Variants in BCAS3 observed in about 807,000 individuals in gnomAD.
The protein encoded by BCAS3 is BCAS3 microtubule associated cell migration factor.
Under a neutral mutation model 116.1 loss-of-function variants are expected in BCAS3, and 53 were observed. The observed-to-expected ratio is 0.46, with a 90% CI of 0.37 to 0.57. The LOEUF is 0.57. Ranked by LOEUF, BCAS3 falls within the 20% of genes least tolerant of loss-of-function variation. BCAS3 has a pLI of 0.00. For missense variants in BCAS3, 917 were observed against 1,165.4 expected (o/e 0.79, Z 3.10); for synonymous variants, 391 against 408.2 (o/e 0.96, Z 0.51).
At chr17:60,717,069 T>C (rs78067892) in intron 5 of BCAS3, among the ~76,000 whole-genome samples, 4,727 of 152,232 alleles carry the variant, frequency 0.031, 235 homozygotes, top group African/African-American at 0.1. Context: ...TTATATACGA[T>C]GGTCTGGGAA....
chr17:60,730,250 T>C (rs2040324950), intron 5 of BCAS3, among the ~76,000 whole-genome samples: 1 of 152,220 alleles, frequency 6.6e-6, no homozygotes. Flanking sequence ...TGCAAAAATC[T>C]GGAAGTATGA....
In BCAS3 at chr17:60,696,669, A is replaced by T. The variant is rs1246070937; in HGVS notation, c.214+6908A>T. ...GCTTGGGTCCCTTAGCTACCTGAAG[A>T]TGCCTCCTAGACATCCTCACATAGA... On this transcript the variant is annotated intron_variant, in intron 4 of 23. Coordinates refer to ENST00000407086, the MANE Select transcript of BCAS3 (RefSeq NM_017679.5). 6 of 152,194 alleles carry T rather than the reference A, an allele frequency of 3.9e-5. No homozygotes were observed. In the East Asian group the frequency reaches 1.2e-3, roughly 30 times the overall value. The allele number at this position is 152,194 out of a possible 1,614,324, so 9.4% of individuals were successfully genotyped here. A position where few individuals can be genotyped will look rare whatever the true frequency, so the allele number is the denominator to read the frequency against.
At chr17:60,892,556 G>A (rs942885236) in intron 10 of BCAS3, among the ~76,000 whole-genome samples, 9 of 151,926 alleles carry the variant, frequency 5.9e-5, no homozygotes, top group African/African-American at 1.9e-4. Context: ...TCATCTGCCC[G>A]CCTCGGCCTC....
intron 22 of BCAS3, among the ~76,000 whole-genome samples, chr17:61,195,580 T>C (rs1294254713): frequency 6.6e-6 from 1 of 151,376 alleles, no homozygotes; most frequent in East Asian, 1.9e-4. Flanking sequence ...TTTTGCCATG[T>C]TGCCCAGGCT....
chr17:61,031,702 CTATGT>C (rs1472310626), intron 16 of BCAS3, among the ~76,000 whole-genome samples: 3 of 152,008 alleles, frequency 2.0e-5, no homozygotes, highest in Admixed American at 6.6e-5. Context: ...ACACACAACA[CTATGT>C]TATGTAGCAG....
At chr17:60,889,639 C>A in intron 9 of BCAS3, 56 bp from the exon 10 acceptor site, 1 of 1,393,896 alleles carries the variant, frequency 7.2e-7, no homozygotes, top group Non-Finnish European at 1.0e-6. Flanking sequence ...ATATATGATG[C>A]ACCAACAGAA....
intron 6 of BCAS3, among the ~76,000 whole-genome samples, chr17:60,751,395 T>G (rs188618187): frequency 1.7e-3 from 264 of 152,378 alleles, no homozygotes; most frequent in African/African-American, 6.1e-3. Flanking sequence ...TAAATTTTTC[T>G]TATTCATTAC....
chr17:61,115,076 T>C (rs1423708558), intron 22 of BCAS3, among the ~76,000 whole-genome samples: 1 of 149,870 alleles, frequency 6.7e-6, no homozygotes, highest in Non-Finnish European at 1.5e-5. Context: ...TTACACCTTA[T>C]ACAAAAATCA....
At chr17:60,800,369 G>T (rs1372982642) in intron 6 of BCAS3, among the ~76,000 whole-genome samples, 2 of 152,056 alleles carry the variant, frequency 1.3e-5, no homozygotes, top group African/African-American at 4.8e-5. Context: ...GACTTTTCCT[G>T]TGCTGATTTG....
intron 14 of BCAS3, among the ~76,000 whole-genome samples, chr17:60,952,939 A>G (rs1040108449): frequency 4.0e-5 from 6 of 151,886 alleles, no homozygotes; most frequent in Non-Finnish European, 7.4e-5. Context: ...CTGCAAAGAC[A>G]TGATCGCATT....
intron 17 of BCAS3, among the ~76,000 whole-genome samples, chr17:61,035,261 A>T (rs1345246357): frequency 1.3e-5 from 2 of 152,118 alleles, no homozygotes; most frequent in African/African-American, 4.8e-5. Flanking sequence ...AAAAATCTTC[A>T]CATTAAAAAA....
At chr17:60,877,934 A>G (rs1287378780) in intron 9 of BCAS3, among the ~76,000 whole-genome samples, 1 of 152,160 alleles carries the variant, frequency 6.6e-6, no homozygotes, top group East Asian at 1.9e-4. Flanking sequence ...ATAAAAGTAC[A>G]TTCTGTCATT....
At chr17:60,966,747 G>C (rs1465110829) in intron 14 of BCAS3, among the ~76,000 whole-genome samples, 12 of 150,616 alleles carry the variant, frequency 8.0e-5, no homozygotes. Context: ...CCGTCTCCTG[G>C]GTTCAAGTGA....
At chr17:61,308,757 C>G (rs1214327346) in intron 22 of BCAS3, among the ~76,000 whole-genome samples, 4 of 152,018 alleles carry the variant, frequency 2.6e-5, no homozygotes, top group African/African-American at 9.7e-5. Context: ...GTCTGTAACA[C>G]CATACTAAGT....
intron 14 of BCAS3, among the ~76,000 whole-genome samples, chr17:60,974,852 ATTAAG>A (rs1286232522): frequency 2.3e-4 from 35 of 152,290 alleles, no homozygotes; most frequent in East Asian, 9.6e-4. Context: ...GGATTCCCAG[ATTAAG>A]TTAAGTGCTG....
intron 7 of BCAS3, among the ~76,000 whole-genome samples, chr17:60,836,688 A>G (rs2051403678): frequency 6.6e-6 from 1 of 152,166 alleles, no homozygotes; most frequent in Admixed American, 6.5e-5. Context: ...TATTAATATT[A>G]TTTACAGATA....
In BCAS3 at chr17:61,367,400, C is replaced by T. The variant is rs994517061; in HGVS notation, c.2426-927C>T. 1 of 152,592 alleles carries T rather than the reference C, an allele frequency of 6.6e-6. No individual in the cohort carries two copies. Among genetic ancestry groups the T allele is most frequent in the Non-Finnish European group, 1.5e-5 (1 of 68,008 alleles). The allele number at this position is 152,592 out of a possible 1,614,324, so 9.5% of individuals were successfully genotyped here. A position where few individuals can be genotyped will look rare whatever the true frequency, so the allele number is the denominator to read the frequency against. ...ATAATAAAGTAGAATAATTCAAGTT[C>T]GGACTTTGAAGTGATCTCACATGTA... On this transcript the variant is annotated intron_variant, in intron 22 of 23. Transcript: ENST00000407086. This position sits in a 1 kb window ranked among gnomAD's most constrained non-coding sequence, Gnocchi z 6.2.
intron 22 of BCAS3, chr17:61,353,939 C>G (rs559022223): frequency 1.3e-5 from 2 of 152,424 alleles, no homozygotes; most frequent in Non-Finnish European, 1.5e-5. Context: ...CCTCCACCCC[C>G]TTAGGCTGCA....
chr17:61,038,646 TTTTTG>T (rs2067238770), intron 18 of BCAS3, among the ~76,000 whole-genome samples: 1 of 148,798 alleles, frequency 6.7e-6, no homozygotes, highest in South Asian at 2.1e-4. Context: ...TCATTCCTTT[TTTTTG>T]TTTTGTTTTT....
Sources: gnomAD v4.1 joint callset for allele counts (sites outside exome capture counted in the v4.1 genomes callset) on GRCh38, gnomAD v4.1.1 for gene constraint, Gnocchi (gnomAD v3.1) non-coding constraint, MANE v1.5 for transcripts, NCBI Gene and HGNC (gene_info 2026-07-23, HGNC 2026-07-21) for gene names.